KLHL1: variants seen among roughly 807,000 people sequenced by gnomAD.
KLHL1 encodes the protein kelch like family member 1, also known as kelch-like protein 1.
In KLHL1, 47 loss-of-function variants were observed where a neutral mutation model predicts 77.7. The ratio of observed to expected loss-of-function variants is 0.60; its 90% confidence interval spans 0.48 to 0.77. KLHL1 has a LOEUF of 0.77. Ranked by LOEUF, KLHL1 falls within the 30% of genes least tolerant of loss-of-function variation. The probability of loss-of-function intolerance (pLI) is 0.00; values close to 1 mark genes in which losing one functional copy is unlikely to be tolerated. For missense variants in KLHL1, 925 were observed against 910.8 expected (o/e 1.02, Z -0.20); for synonymous variants, 360 against 325.2 (o/e 1.11, Z -1.15).
At position 69,839,098 on chromosome 13, in the gene KLHL1, A is replaced by G; in HGVS notation, c.1292T>C (p.Leu431Pro). 1 of 1,609,190 alleles carries G rather than the reference A, an allele frequency of 6.2e-7. No individual in the cohort carries two copies. Among genetic ancestry groups the G allele is most frequent in the Non-Finnish European group, 8.5e-7 (1 of 1,177,258 alleles). ...CAATAGATGGTATTTCATTGCTTCT[A>G]GAATCAGCTTTTGACATTCCAGATC... The part of the protein sequence containing the change: ...KNDLECQKLI[L>P]EAMKYHLLPE... The change falls in exon 6 of 11, where the codon CTA becomes CCA. Residue 431 changes from leucine to proline, a missense_variant. Leu to Pro is a moderately conservative substitution (Grantham distance 98). Coordinates refer to ENST00000377844, the MANE Select transcript of KLHL1 (RefSeq NM_020866.3).
At chr13:69,722,095 T>A (rs1481510837) in intron 8 of KLHL1, among the ~76,000 whole-genome samples, 1 of 152,186 alleles carries the variant, frequency 6.6e-6, no homozygotes, top group East Asian at 1.9e-4. Context: ...TGGGCATCTT[T>A]CTGTGAGACA....
At chr13:70,068,370 C>CAAAAACAAAAACA (rs755611094) in intron 1 of KLHL1, among the ~76,000 whole-genome samples, 4 of 115,574 alleles carry the variant, frequency 3.5e-5, no homozygotes, top group African/African-American at 1.2e-4. Flanking sequence ...AAAACAAAAA[C>CAAAAACAAAAACA]AAAAAAAAAG....
intron 1 of KLHL1, among the ~76,000 whole-genome samples, chr13:69,989,404 C>G (rs57412615): frequency 0.16 from 23,708 of 151,812 alleles, 3,917 homozygotes; most frequent in African/African-American, 0.42. Flanking sequence ...TATGACTCCT[C>G]TAGATTTGTT....
chr13:70,074,957 T>C (rs1593722576), intron 1 of KLHL1, among the ~76,000 whole-genome samples: 1 of 152,062 alleles, frequency 6.6e-6, no homozygotes, highest in East Asian at 1.9e-4. Context: ...AAAATGAAAA[T>C]TTAAAATACC....
At chr13:69,915,027 C>T (rs187346735) in intron 4 of KLHL1, among the ~76,000 whole-genome samples, 1 of 152,202 alleles carries the variant, frequency 6.6e-6, no homozygotes, top group East Asian at 1.9e-4. Flanking sequence ...TCTCAAGAAG[C>T]AGGGACTTAT....
At chr13:70,027,358 T>A (rs1372230) in intron 1 of KLHL1, among the ~76,000 whole-genome samples, 28,832 of 147,910 alleles carry the variant, frequency 0.19, 2,761 homozygotes, top group Middle Eastern at 0.23. Context: ...GGAGCGTAAA[T>A]CCCTTTAGAG....
chr13:69,932,260 T>C (rs907376831), intron 4 of KLHL1, among the ~76,000 whole-genome samples: 12 of 151,572 alleles, frequency 7.9e-5, no homozygotes, highest in Admixed American at 6.6e-4. Context: ...TGGTTCATGA[T>C]AGGCAAATTA....
chr13:69,775,711 TAC>T (rs199589515), intron 7 of KLHL1, among the ~76,000 whole-genome samples: 1,720 of 152,050 alleles, frequency 0.011, 35 homozygotes, highest in African/African-American at 0.039. Flanking sequence ...TTGTTTTTGA[TAC>T]AGTGTCGTGC....
At chr13:69,875,715 C>CA (rs1180751370) in intron 5 of KLHL1, among the ~76,000 whole-genome samples, 1 of 152,044 alleles carries the variant, frequency 6.6e-6, no homozygotes, top group Non-Finnish European at 1.5e-5. Context: ...GTGAATGTCA[C>CA]AGGAGGGCTA....
At chr13:69,926,215 C>A (rs1449072892) in intron 4 of KLHL1, among the ~76,000 whole-genome samples, 4 of 152,086 alleles carry the variant, frequency 2.6e-5, no homozygotes, top group Non-Finnish European at 5.9e-5. Context: ...GATTGATCTG[C>A]AGAGTCAAAG....
intron 3 of KLHL1, among the ~76,000 whole-genome samples, chr13:69,950,543 C>CTCGAGGAAA (rs376441155): frequency 6.6e-6 from 1 of 151,574 alleles, no homozygotes; most frequent in African/African-American, 2.4e-5. Flanking sequence ...TCATGCAACA[C>CTCGAGGAAA]TCGAGGAAAT....
At chr13:69,862,200 T>G (rs1450963311) in intron 5 of KLHL1, among the ~76,000 whole-genome samples, 2 of 151,622 alleles carry the variant, frequency 1.3e-5, no homozygotes, top group Non-Finnish European at 2.9e-5. Context: ...TATATTATAA[T>G]TAGAAGAAAA....
At chr13:69,770,652 T>C (rs977966236) in intron 7 of KLHL1, among the ~76,000 whole-genome samples, 1 of 152,176 alleles carries the variant, frequency 6.6e-6, no homozygotes, top group African/African-American at 2.4e-5. Context: ...AATCTTTCTA[T>C]TGTGGAAATG....
chr13:69,975,395 T>A (rs1010134530), intron 2 of KLHL1, among the ~76,000 whole-genome samples: 2 of 152,030 alleles, frequency 1.3e-5, no homozygotes, highest in African/African-American at 4.8e-5. Flanking sequence ...TATAATTGTT[T>A]TGTTTTTCAA....
chr13:69,849,188 A>G (rs1404721884), intron 5 of KLHL1, among the ~76,000 whole-genome samples: 5 of 151,408 alleles, frequency 3.3e-5, no homozygotes, highest in African/African-American at 4.8e-5. Flanking sequence ...TTCACTCACC[A>G]CTAATCTATT....
intron 7 of KLHL1, among the ~76,000 whole-genome samples, chr13:69,757,739 G>A (rs1874817889): frequency 6.6e-6 from 1 of 151,970 alleles, no homozygotes; most frequent in Admixed American, 6.6e-5. Flanking sequence ...ATCACCTGAG[G>A]TCAGGAGTTT....
At chr13:69,917,085 T>C (rs1882470394) in intron 4 of KLHL1, among the ~76,000 whole-genome samples, 1 of 152,040 alleles carries the variant, frequency 6.6e-6, no homozygotes, top group South Asian at 2.1e-4. Flanking sequence ...TGTATAAATA[T>C]ATATGTATGC....
intron 3 of KLHL1, 82 bp from the exon 4 acceptor site, chr13:69,940,318 C>T: frequency 1.0e-6 from 1 of 1,002,144 alleles, no homozygotes; most frequent in Non-Finnish European, 1.4e-6. Flanking sequence ...AAACATTAGG[C>T]CAATCTGCTA....
At chr13:69,948,506 A>G (rs1943460040) in intron 3 of KLHL1, among the ~76,000 whole-genome samples, 1 of 151,982 alleles carries the variant, frequency 6.6e-6, no homozygotes, top group African/African-American at 2.4e-5. Flanking sequence ...CTAAACGGGG[A>G]ATACTTTTTA....
Sources: allele counts gnomAD v4.1 joint callset (sites outside exome capture counted in the v4.1 genomes callset), GRCh38; gene constraint gnomAD v4.1.1; transcripts MANE v1.5; gene names NCBI Gene and HGNC (gene_info 2026-07-23, HGNC 2026-07-21).